Variants in CLCN7 observed in about 807,000 individuals in gnomAD.
CLCN7 encodes the protein H(+)/Cl(-) exchange transporter 7.
CLCN7 carries 60 observed loss-of-function variants against 102.1 expected under a neutral mutation model. The observed-to-expected ratio is 0.59, with a 90% CI of 0.48 to 0.73. The LOEUF is 0.73. Ranked by LOEUF, CLCN7 falls within the 30% of genes least tolerant of loss-of-function variation. The pLI is 0.00. For missense variants in CLCN7, 962 were observed against 1,125.7 expected (o/e 0.85, Z 2.08); for synonymous variants, 560 against 490.5 (o/e 1.14, Z -1.87).
chr16:1,446,863 A>C, intron 24 of CLCN7, 143 bp downstream of exon 24: 1 of 1,103,768 alleles, frequency 9.1e-7, no homozygotes, highest in Non-Finnish European at 1.3e-6. Context: ...GGGGCTGGGG[A>C]GGGGTGCAGC....
intron 6 of CLCN7, among the ~76,000 whole-genome samples, chr16:1,460,147 T>C (rs2038910001): frequency 6.8e-6 from 1 of 147,268 alleles, no homozygotes; most frequent in East Asian, 2.0e-4. Flanking sequence ...GAGGGCAGAG[T>C]GAGGAGATGG....
rs554348867 is a variant in CLCN7 at position 1,447,638 on chromosome 16, C to T, written c.2073+17G>A. 17 of 1,553,366 alleles carry T rather than the reference C, an allele frequency of 1.1e-5. No homozygotes were observed. Among genetic ancestry groups the T allele is most frequent in the East Asian group, 2.4e-5 (1 of 41,170 alleles). On this transcript the variant is annotated intron_variant, in intron 22 of 24. Coordinates refer to ENST00000382745, the MANE Select transcript of CLCN7 (RefSeq NM_001287.6). ...CGGGGCCCCCACCCGCCCAATGGCC[C>T]GGAGCCTGGCACGCACCTTGTGCTT...
At position 1,456,099 on chromosome 16, in the gene CLCN7, G is replaced by T; in HGVS notation, c.916+14C>A. Reference sequence around the variant, plus strand: ...GCGAGGGCAAAGCATTGGACCCGGTGCGGCCCTCCTCACCCACGGGGGCTC... The same window carrying T: ...GCGAGGGCAAAGCATTGGACCCGGTTCGGCCCTCCTCACCCACGGGGGCTC... On this transcript the variant is annotated intron_variant, in intron 10 of 24. Coordinates refer to ENST00000382745, the MANE Select transcript of CLCN7 (RefSeq NM_001287.6). 1 of 1,543,288 alleles carries T rather than the reference G, an allele frequency of 6.5e-7. No individual in the cohort carries two copies. Among genetic ancestry groups the T allele is most frequent in the Non-Finnish European group, 8.8e-7 (1 of 1,141,752 alleles).
chr16:1,447,026 C>G lies in CLCN7; in HGVS notation c.2311G>C (p.Val771Leu). The change falls in exon 24 of 25, where the codon GTG becomes CTG. Residue 771 changes from valine (V) to leucine (L), a missense_variant. By Grantham distance (32) the Val-to-Leu change is conservative. Transcript: ENST00000382745. ...FRALGLRHLV[V>L]VDNRNQVVGL... ...CTCACCTGATTGCGGTTGTCCACCA[C>G]CACCAGGTGCCGCAGGCCCAGGGCC... The G allele has an allele frequency of 6.2e-7, 1 of 1,600,438 alleles. No homozygotes were observed. Among genetic ancestry groups the G allele is most frequent in the Non-Finnish European group, 8.5e-7 (1 of 1,177,154 alleles).
chr16:1,461,217 C>T (rs922723245), intron 4 of CLCN7, among the ~76,000 whole-genome samples, 188 bp downstream of exon 4: 4 of 152,264 alleles, frequency 2.6e-5, no homozygotes, highest in Non-Finnish European at 1.5e-5. Context: ...TAAGAGCAGC[C>T]TTCTTGGTTA....
intron 15 of CLCN7, chr16:1,452,526 G>T: frequency 1.7e-6 from 1 of 576,678 alleles, no homozygotes; most frequent in African/African-American, 1.9e-5. Flanking sequence ...AGGACTGGGG[G>T]GAGCCTCTGG....
rs17135346 is a variant in CLCN7 at position 1,466,166 on chromosome 16, G to A, written c.142-828C>T. Among the ~76,000 whole-genome samples, 1,128 of 152,386 alleles carry A rather than the reference G, an allele frequency of 7.4e-3. 19 individuals are homozygous for A. Among genetic ancestry groups the A allele is most frequent in the African/African-American group, 0.026 (1,069 of 41,592 alleles). The stretch of plus-strand genomic sequence containing the variant: ...CAGGGCGCCCGCCATCTGCATCAGA[G>A]AGCCCGTGCGCCTGTCAGGAAAGTG... On this transcript the variant is annotated intron_variant, in intron 1 of 24. Coordinates refer to ENST00000382745, the MANE Select transcript of CLCN7 (RefSeq NM_001287.6).
chr16:1,475,005 G>C lies in CLCN7; in HGVS notation c.-31C>G, dbSNP rs1567279803. The stretch of plus-strand genomic sequence containing the variant: ...GCCGCGGAGCGACACCGGCCGGGAA[G>C]CGCCGGCTGCCCCCGTGTTTGTTCT... On this transcript the variant is annotated 5_prime_UTR_variant, in exon 1 of 25. Transcript: ENST00000382745. The C allele has an allele frequency of 7.0e-7, 1 of 1,431,540 alleles. No homozygotes were observed. Among genetic ancestry groups the C allele is most frequent in the African/African-American group, 1.5e-5 (1 of 67,428 alleles). The allele number at this position is 1,431,540 out of a possible 1,614,324, so 88.7% of individuals were successfully genotyped here.
chr16:1,454,468 G>A lies in CLCN7; in HGVS notation c.1099-3C>T. ...TCGTGGATCGTGTAGGCCATTTTCT[G>A]TGCAGAGAGAGGGAGAAGGCAGAGG... On this transcript the variant is annotated splice_region_variant and splice_polypyrimidine_tract_variant and intron_variant, in intron 12 of 24. Coordinates refer to ENST00000382745, the MANE Select transcript of CLCN7 (RefSeq NM_001287.6). 1 of 1,613,578 alleles carries A rather than the reference G, an allele frequency of 6.2e-7. No homozygotes were observed. The highest frequency in any genetic ancestry group is 8.5e-7 in the Non-Finnish European group (1 of 1,179,888).
intron 10 of CLCN7, 144 bp downstream of exon 10, chr16:1,455,969 A>G: frequency 2.0e-6 from 2 of 977,232 alleles, no homozygotes; most frequent in Non-Finnish European, 3.1e-6. Flanking sequence ...GGACCCAAGT[A>G]CACTGCCGGC....
Position 1,454,404 on chromosome 16 carries a change from C to A in CLCN7, c.1153+7G>T, listed in dbSNP as rs1273074608. ...GCCGTCCCTGCGGTGCTGGGAGAAG[C>A]CCTTACCCACCACGCCCATGGCGAT... is the stretch of plus-strand genomic sequence containing the variant. On this transcript the variant is annotated splice_region_variant and intron_variant, in intron 13 of 24. Coordinates refer to ENST00000382745, the MANE Select transcript of CLCN7 (RefSeq NM_001287.6). The A allele has an allele frequency of 7.4e-6, 12 of 1,613,236 alleles. No individual in the cohort carries two copies. The highest frequency in any genetic ancestry group is 9.3e-6 in the Non-Finnish European group (11 of 1,179,788).
At chr16:1,459,228 C>G (rs774641971) in intron 6 of CLCN7, 41 bp from the exon 7 acceptor site, 1 of 1,575,042 alleles carries the variant, frequency 6.3e-7, no homozygotes, top group Non-Finnish European at 8.7e-7. Context: ...CACGGCCAGG[C>G]TGAGACAGAT....
chr16:1,446,422 G>A lies in CLCN7; in HGVS notation c.*209C>T, dbSNP rs1227835024. The A allele has an allele frequency of 1.8e-5, 13 of 702,888 alleles. No individual in the cohort carries two copies. The Admixed American group carries it at 2.6e-4, about 14-fold the overall frequency. 43.5% of individuals were successfully genotyped at this position (702,888 alleles called of 1,614,324 possible). On this transcript the variant is annotated 3_prime_UTR_variant, in exon 25 of 25. Transcript: ENST00000382745. ...AGTGGAGGCTGGGCCTGCGCAAGGA[G>A]GCGCCAAGGGGGGAGACCACTGCCC...
At chr16:1,473,579 T>C (rs1250248232) in intron 1 of CLCN7, among the ~76,000 whole-genome samples, 6 of 150,868 alleles carry the variant, frequency 4.0e-5, no homozygotes, top group African/African-American at 1.5e-4. Flanking sequence ...TTCACCATAT[T>C]AGCCAGGATG....
At chr16:1,458,437 T>C (rs1334136125) in intron 7 of CLCN7, among the ~76,000 whole-genome samples, 3 of 152,248 alleles carry the variant, frequency 2.0e-5, no homozygotes, top group Admixed American at 1.3e-4. Context: ...CGGGTCGCCA[T>C]TCCCAGCTGC....
In CLCN7 at chr16:1,457,634, G is replaced by A. The variant is rs1024538046; in HGVS notation, c.738+60C>T. 25 of 1,557,460 alleles carry A rather than the reference G, an allele frequency of 1.6e-5. No individual in the cohort carries two copies. Among genetic ancestry groups the A allele is most frequent in the East Asian group, 6.7e-5 (3 of 44,470 alleles). ...GCTCAGAGACACACATGGGCGTGGCGGCCCTCGCGGGCCCGGCGGCCTCAG... is the reference window on the plus strand; with the variant it reads ...GCTCAGAGACACACATGGGCGTGGCAGCCCTCGCGGGCCCGGCGGCCTCAG... On this transcript the variant is annotated intron_variant, in intron 8 of 24. Transcript: ENST00000382745. This position sits in a 1 kb window ranked among gnomAD's most constrained non-coding sequence, Gnocchi z 5.4.
At chr16:1,452,712 G>A (rs779845756) in intron 15 of CLCN7, 43 bp downstream of exon 15, 3 of 1,557,290 alleles carry the variant, frequency 1.9e-6, no homozygotes, top group Non-Finnish European at 2.6e-6. Flanking sequence ...GCCGCCCTGT[G>A]GCTGCCCTGC....
At position 1,452,764 on chromosome 16, in the gene CLCN7, G is replaced by A. The variant is rs1200287892; in HGVS notation, c.1344C>T (p.Tyr448=). 3.7e-6 allele frequency: 6 copies of A among 1,601,394 alleles called. No homozygotes were observed. Among genetic ancestry groups the A allele is most frequent in the African/African-American group, 1.3e-5 (1 of 74,586 alleles). Residue 448 remains tyrosine (Y), a synonymous_variant, in exon 15 of 25, where the codon TAC becomes TAT. Transcript: ENST00000382745. The stretch of plus-strand genomic sequence containing the variant: ...GGGCCCAGCCTCCCACCTGCAGCGG[G>A]TAGGACATGGAGCCCCCCTGCAGGG... ...CQPLQGGSMS[Y]PLQLFCADGE... is the part of the protein sequence containing the mutation.
chr16:1,450,390 G>A, intron 17 of CLCN7, 107 bp downstream of exon 17: 2 of 1,177,410 alleles, frequency 1.7e-6, no homozygotes, highest in South Asian at 1.3e-5. Context: ...TGAACCACGT[G>A]AGGTGCGACA....
Sources: gnomAD v4.1 joint callset for allele counts (sites outside exome capture counted in the v4.1 genomes callset) on GRCh38, gnomAD v4.1.1 for gene constraint, Gnocchi (gnomAD v3.1) non-coding constraint, MANE v1.5 for transcripts, NCBI Gene and HGNC (gene_info 2026-07-23, HGNC 2026-07-21) for gene names.